The following PCDHGA5 variants were observed in gnomAD, a reference collection of about 807,000 sequenced individuals.
PCDHGA5 encodes the protein protocadherin gamma-A5.
In PCDHGA5, 36 loss-of-function variants were observed where a neutral mutation model predicts 56.7. The ratio of observed to expected loss-of-function variants is 0.64; its 90% CI spans 0.49 to 0.84. The LOEUF is 0.84. Among genes scored for constraint, PCDHGA5 ranks in the 40% least tolerant of loss-of-function variants. PCDHGA5 has a pLI of 0.00. For missense variants in PCDHGA5, 1,305 were observed against 1,201.5 expected, an observed-to-expected ratio of 1.09 and a Z score of -1.27; for synonymous variants, 563 against 520.2, an observed-to-expected ratio of 1.08 and a Z score of -1.12.
At chr5:141,409,241 A>G in intron 1 of PCDHGA5, 1 of 1,614,038 alleles carries the variant, frequency 6.2e-7, no homozygotes. Context: ...CAGCCCAGAA[A>G]TAATCATCAC....
intron 1 of PCDHGA5, chr5:141,374,245 G>C: frequency 2.5e-6 from 4 of 1,613,980 alleles, no homozygotes; most frequent in Non-Finnish European, 3.4e-6. Flanking sequence ...ATCTGGGACT[G>C]GAGCCCCAGG....
rs1588634140 is a variant in PCDHGA5 at position 141,366,905 on chromosome 5, C to T, written c.2421+154C>T. 3 of 1,162,942 alleles carry T rather than the reference C, an allele frequency of 2.6e-6. No individual in the cohort carries two copies. In the East Asian group the frequency reaches 7.6e-5, roughly 29 times the overall value. The allele number at this position is 1,162,942 out of a possible 1,614,324, so 72.0% of individuals were successfully genotyped here. ...TTTTTTTATATAATTCATGCTTTCT[C>T]CATTTGTTTTCAAATTCTGTTTTGG... On this transcript the variant is annotated intron_variant, in intron 1 of 3. Transcript: ENST00000518069.
At chr5:141,415,198 G>T in intron 1 of PCDHGA5, 2 of 1,614,038 alleles carry the variant, frequency 1.2e-6, no homozygotes, top group Non-Finnish European at 1.7e-6. Context: ...CATCCCCCAA[G>T]TCCTGGCGGA....
chr5:141,477,504 A>T lies in PCDHGA5; in HGVS notation c.2422-17303A>T, dbSNP rs1396003792. Reference sequence around the variant, plus strand: ...CCACAATCTTCTCAATCTTCCTACGACGTTTACATTGAAGAAAACAACCTC... The same window carrying T: ...CCACAATCTTCTCAATCTTCCTACGTCGTTTACATTGAAGAAAACAACCTC... On this transcript the variant is annotated intron_variant, in intron 1 of 3. Coordinates refer to ENST00000518069, the MANE Select transcript of PCDHGA5 (RefSeq NM_018918.3). This position sits in a 1 kb window ranked among gnomAD's most constrained non-coding sequence, Gnocchi z 4.9. The T allele has an allele frequency of 4.3e-6, 7 of 1,613,982 alleles. No homozygotes were observed. In the Admixed American group the frequency reaches 8.3e-5, roughly 19 times the overall value.
At chr5:141,373,739 A>G (rs1561560112) in intron 1 of PCDHGA5, among the ~76,000 whole-genome samples, 1 of 152,238 alleles carries the variant, frequency 6.6e-6, no homozygotes, top group Non-Finnish European at 1.5e-5. Context: ...ATGCTTCATT[A>G]TCTTGGGGAG....
Position 141,491,935 on chromosome 5 carries a change from C to A in PCDHGA5, c.2422-2872C>A. 1 of 1,205,518 alleles carries A rather than the reference C, an allele frequency of 8.3e-7. No homozygotes were observed. Among genetic ancestry groups the A allele is most frequent in the South Asian group, 1.7e-5 (1 of 59,176 alleles). 74.7% of individuals were successfully genotyped at this position (1,205,518 alleles called of 1,614,324 possible). On this transcript the variant is annotated intron_variant, in intron 1 of 3. Transcript: ENST00000518069. The surrounding 1 kb of genome is among the most constrained non-coding windows in gnomAD (Gnocchi z 6.9). ...GACTGTGGGCGAGGGGAGGTGGGACCGACCCCCACCCCTACACTCAAAAAA... is the reference window on the plus strand; with the variant it reads ...GACTGTGGGCGAGGGGAGGTGGGACAGACCCCCACCCCTACACTCAAAAAA...
Position 141,431,669 on chromosome 5 carries a change from A to G in PCDHGA5, c.2422-63138A>G, listed in dbSNP as rs2154554523. ...TTGTAATTCAGGGACAATATCAACA[A>G]TAGGGGAGTTGGACCACGAGGAGTC... On this transcript the variant is annotated intron_variant, in intron 1 of 3. Transcript: ENST00000518069. The surrounding 1 kb of genome is among the most constrained non-coding windows in gnomAD (Gnocchi z 4.8). 2 of 1,614,210 alleles carry G rather than the reference A, an allele frequency of 1.2e-6. No individual in the cohort carries two copies. Among genetic ancestry groups the G allele is most frequent in the South Asian group, 1.1e-5 (1 of 91,084 alleles).
chr5:141,422,136 AGTACGGGG>A (rs772818860), intron 1 of PCDHGA5: 9 of 1,588,992 alleles, frequency 5.7e-6, no homozygotes, highest in Non-Finnish European at 7.7e-6. Flanking sequence ...GAGAAGTTCA[AGTACGGGG>A]GTCTCTGGAT....
At chr5:141,430,715 A>T in intron 1 of PCDHGA5, 1 of 1,483,384 alleles carries the variant, frequency 6.7e-7, no homozygotes, top group Non-Finnish European at 8.9e-7. Context: ...TCCTGACTTC[A>T]GTGGTTAAGG....
intron 1 of PCDHGA5, chr5:141,417,831 C>T: frequency 5.2e-6 from 8 of 1,526,966 alleles, no homozygotes; most frequent in Non-Finnish European, 7.1e-6. Flanking sequence ...ACTGGAAAAG[C>T]GGGGACCCAG....
chr5:141,420,079 C>A, intron 1 of PCDHGA5: 1 of 1,613,998 alleles, frequency 6.2e-7, no homozygotes, highest in Non-Finnish European at 8.5e-7. Flanking sequence ...CTGTGGGTCC[C>A]CCCAACTACA....
At chr5:141,370,718 G>T in intron 1 of PCDHGA5, 1 of 1,613,818 alleles carries the variant, frequency 6.2e-7, no homozygotes, top group Non-Finnish European at 8.5e-7. Flanking sequence ...AATTTGAAAT[G>T]GTTGCTGAAA....
At chr5:141,469,374 A>G (rs1270202528) in intron 1 of PCDHGA5, among the ~76,000 whole-genome samples, 1 of 152,076 alleles carries the variant, frequency 6.6e-6, no homozygotes, top group Non-Finnish European at 1.5e-5. Flanking sequence ...AAAGAGATCG[A>G]GACCATCCTG....
chr5:141,478,322 C>A, intron 1 of PCDHGA5: 3 of 1,613,976 alleles, frequency 1.9e-6, no homozygotes, highest in Non-Finnish European at 2.5e-6. Context: ...CTCACTGTAC[C>A]GAACACCAGG....
At chr5:141,407,930 C>T (rs2095001418) in intron 1 of PCDHGA5, 2 of 498,880 alleles carry the variant, frequency 4.0e-6, no homozygotes, top group Non-Finnish European at 6.9e-6. Flanking sequence ...CGCACGGAGC[C>T]TCTGGGCGCC....
At chr5:141,478,598 A>C in intron 1 of PCDHGA5, 1 of 1,566,350 alleles carries the variant, frequency 6.4e-7, no homozygotes, top group South Asian at 1.2e-5. Flanking sequence ...TTATTCCTAC[A>C]TCATATTGAG....
Position 141,485,943 on chromosome 5 carries a change from C to T in PCDHGA5, c.2422-8864C>T, listed in dbSNP as rs750871245. On this transcript the variant is annotated intron_variant, in intron 1 of 3. Transcript: ENST00000518069. This position sits in a 1 kb window ranked among gnomAD's most constrained non-coding sequence, Gnocchi z 5.7. Reference sequence around the variant, plus strand: ...ATTAGTGTGTTGGAGAGCGCACCAGCGGGCATGGTGCTCATCCAGCTCAAT... The same window carrying T: ...ATTAGTGTGTTGGAGAGCGCACCAGTGGGCATGGTGCTCATCCAGCTCAAT... The T allele has an allele frequency of 1.9e-6, 3 of 1,614,126 alleles. No homozygotes were observed. In the South Asian group the frequency reaches 3.3e-5, roughly 18 times the overall value.
chr5:141,507,616 G>A (rs1288020739), intron 3 of PCDHGA5, among the ~76,000 whole-genome samples: 3 of 152,252 alleles, frequency 2.0e-5, no homozygotes, highest in Non-Finnish European at 4.4e-5. Context: ...GGTATATTTA[G>A]CTGTTGTGGC....
chr5:141,419,300 T>G (rs2096356436), intron 1 of PCDHGA5: 3 of 1,613,998 alleles, frequency 1.9e-6, no homozygotes, highest in Non-Finnish European at 2.5e-6. Context: ...TGACCCAGAC[T>G]TCGGGCTCAA....
Sources: gnomAD v4.1 joint callset for allele counts (sites outside exome capture counted in the v4.1 genomes callset) on GRCh38, gnomAD v4.1.1 for gene constraint, Gnocchi (gnomAD v3.1) non-coding constraint, MANE v1.5 for transcripts, NCBI Gene and HGNC (gene_info 2026-07-23, HGNC 2026-07-21) for gene names.